The following NCOA3 variants were observed in gnomAD, a reference collection of about 807,000 sequenced individuals.
NCOA3 encodes nuclear receptor coactivator 3, also known as CBP-interacting protein.
A neutral mutation model predicts 158.8 loss-of-function variants in NCOA3; 51 were observed. That is an observed-to-expected ratio of 0.32 (90% CI 0.26 to 0.41). NCOA3 has a LOEUF of 0.41. Ranked by LOEUF, NCOA3 falls within the 10% of genes least tolerant of loss-of-function variation. NCOA3 has a pLI of 1.00. For synonymous variants in NCOA3, 537 were observed against 592.4 expected (o/e 0.91, Z 1.36); for missense variants, 1,510 against 1,746.6 (o/e 0.86, Z 2.41).
At position 47,522,145 on chromosome 20, in the gene NCOA3, T is replaced by C. The variant is rs543350371; in HGVS notation, c.-99+20126T>C. On this transcript the variant is annotated intron_variant, in intron 1 of 22. Coordinates refer to ENST00000371998, the MANE Select transcript of NCOA3 (RefSeq NM_181659.3). ...TTTGAGACGGAGTCTTGCTGTCTCCTAGGCTGGAGTGCAGTGGAGCGATCT... is the reference window on the plus strand; with the variant it reads ...TTTGAGACGGAGTCTTGCTGTCTCCCAGGCTGGAGTGCAGTGGAGCGATCT... Among the ~76,000 whole-genome samples the C allele has an allele frequency of 3.3e-4, 42 of 128,546 alleles. 1 individual carries two copies. The East Asian group carries it at 8.8e-3, about 27-fold the overall frequency. 84.3% of individuals were successfully genotyped at this position (128,546 alleles called of 152,430 possible). A position where few individuals can be genotyped will look rare whatever the true frequency, so the allele number is the denominator to read the frequency against.
At position 47,622,293 on chromosome 20, in the gene NCOA3, C is replaced by T. The variant is rs762111371; in HGVS notation, c.46C>T (p.Arg16Ter). ...CTTGGATCCACTGGCCAGTGATTCA[C>T]GAAAACGCAAATTGCCATGTGATAC... ...ENLDPLASDS[R>*]KRKLPCDTPG... The change falls in exon 3 of 23, where the codon CGA becomes TGA. Residue 16 changes from arginine to a stop codon, truncating the protein, a stop_gained. Transcript: ENST00000371998. LOFTEE classifies it high-confidence loss of function. 5.0e-6 allele frequency: 8 copies of T among 1,606,552 alleles called. No homozygotes were observed. The highest frequency in any genetic ancestry group is 3.4e-5 in the Admixed American group (2 of 58,598).
chr20:47,560,307 C>G (rs1432745857), intron 1 of NCOA3, among the ~76,000 whole-genome samples: 2 of 152,138 alleles, frequency 1.3e-5, no homozygotes, highest in Non-Finnish European at 2.9e-5. Flanking sequence ...AAACTCCTGA[C>G]CTGAAGTGAT....
At chr20:47,527,025 TAC>T (rs1191036908) in intron 1 of NCOA3, among the ~76,000 whole-genome samples, 1 of 152,222 alleles carries the variant, frequency 6.6e-6, no homozygotes, top group African/African-American at 2.4e-5. Flanking sequence ...TATATAGCAA[TAC>T]AGTTGATTTT....
chr20:47,634,223 T>C (rs367895006), intron 10 of NCOA3, 28 bp downstream of exon 10: 17 of 1,589,776 alleles, frequency 1.1e-5, no homozygotes, highest in Non-Finnish European at 1.4e-5. Flanking sequence ...TGTATTCTAA[T>C]ACAAAATGCA....
intron 2 of NCOA3, among the ~76,000 whole-genome samples, chr20:47,600,671 C>G (rs568122429): frequency 3.3e-5 from 5 of 151,686 alleles, no homozygotes; most frequent in Non-Finnish European, 7.4e-5. Context: ...TACACTAGCA[C>G]ACCCAGCTAA....
rs989525593 is a variant in NCOA3 at position 47,653,689 on chromosome 20, C to G, written c.*272C>G. ...CATTCCACCTCCTAGGGATATAATT[C>G]TGGAGACATGGAGTGTTACTGATCA... On this transcript the variant is annotated 3_prime_UTR_variant, in exon 23 of 23. Transcript: ENST00000371998. The G allele has an allele frequency of 2.1e-6, 1 of 469,426 alleles. No homozygotes were observed. The highest frequency in any genetic ancestry group is 2.0e-5 in the African/African-American group (1 of 50,610). The allele number at this position is 469,426 out of a possible 1,614,324, so 29.1% of individuals were successfully genotyped here.
intron 5 of NCOA3, 101 bp from the exon 6 acceptor site, chr20:47,626,901 C>A: frequency 9.1e-7 from 1 of 1,097,022 alleles, no homozygotes; most frequent in Non-Finnish European, 1.3e-6. Context: ...GTCTTGTTTC[C>A]AAATACAGTT....
At chr20:47,602,072 T>C (rs1032878998) in intron 2 of NCOA3, among the ~76,000 whole-genome samples, 20 of 152,236 alleles carry the variant, frequency 1.3e-4, no homozygotes, top group African/African-American at 4.6e-4. Context: ...ATTAAACTTA[T>C]ATGAGTACAC....
chr20:47,503,270 AAAT>A (rs1231179006), intron 1 of NCOA3, among the ~76,000 whole-genome samples: 3 of 152,214 alleles, frequency 2.0e-5, no homozygotes, highest in African/African-American at 7.2e-5. Flanking sequence ...GGAGGAATAA[AAAT>A]CTTAGGTCTT....
At chr20:47,592,917 G>T (rs565412215) in intron 2 of NCOA3, among the ~76,000 whole-genome samples, 2 of 152,294 alleles carry the variant, frequency 1.3e-5, no homozygotes, top group Non-Finnish European at 2.9e-5. Flanking sequence ...TTACTCAACA[G>T]AAAAATTTAA....
At chr20:47,568,475 G>A (rs1169150288) in intron 1 of NCOA3, among the ~76,000 whole-genome samples, 1 of 152,186 alleles carries the variant, frequency 6.6e-6, no homozygotes, top group African/African-American at 2.4e-5. Flanking sequence ...GTAGCATTAT[G>A]TCTAAAGAAA....
intron 17 of NCOA3, among the ~76,000 whole-genome samples, chr20:47,644,750 T>TGCAG (rs1472924744): frequency 6.6e-6 from 1 of 151,908 alleles, no homozygotes; most frequent in Non-Finnish European, 1.5e-5. Flanking sequence ...CAGGCTGGAG[T>TGCAG]GCAGAAGCGT....
chr20:47,529,128 A>AT (rs1276220271), intron 1 of NCOA3, among the ~76,000 whole-genome samples: 1 of 147,432 alleles, frequency 6.8e-6, no homozygotes, highest in African/African-American at 2.5e-5. Flanking sequence ...ATTTAAAAAA[A>AT]TTTTTTTTCT....
chr20:47,508,927 G>T (rs2084070478), intron 1 of NCOA3, among the ~76,000 whole-genome samples: 2 of 152,134 alleles, frequency 1.3e-5, no homozygotes, highest in South Asian at 2.1e-4. Context: ...TTAAAACAAA[G>T]GGTGCTCTGT....
chr20:47,580,230 G>A (rs2085429726), intron 1 of NCOA3, among the ~76,000 whole-genome samples: 1 of 152,036 alleles, frequency 6.6e-6, no homozygotes, highest in African/African-American at 2.4e-5. Context: ...AGCAGTAATT[G>A]TTTCCTAGGT....
chr20:47,641,906 C>T (rs1363097759), intron 16 of NCOA3, among the ~76,000 whole-genome samples: 1 of 152,136 alleles, frequency 6.6e-6, no homozygotes, highest in Non-Finnish European at 1.5e-5. Flanking sequence ...TCCCATCCTT[C>T]CCTACCCTCC....
At chr20:47,505,512 T>C (rs886411914) in intron 1 of NCOA3, among the ~76,000 whole-genome samples, 1 of 152,140 alleles carries the variant, frequency 6.6e-6, no homozygotes, top group Non-Finnish European at 1.5e-5. Context: ...ATACAGTTGT[T>C]ACCCTGTAAA....
intron 2 of NCOA3, among the ~76,000 whole-genome samples, chr20:47,584,269 T>C (rs2085499158): frequency 6.6e-6 from 1 of 152,128 alleles, no homozygotes; most frequent in African/African-American, 2.4e-5. Context: ...CACTTCAGCA[T>C]GGGCAACAGT....
chr20:47,632,738 G>A (rs1337432581), intron 8 of NCOA3, among the ~76,000 whole-genome samples: 1 of 149,176 alleles, frequency 6.7e-6, no homozygotes, highest in African/African-American at 2.5e-5. Context: ...GCCGGAGTGC[G>A]GTGGCATGAT....
Sources: gnomAD v4.1 joint callset for allele counts (sites outside exome capture counted in the v4.1 genomes callset) on GRCh38, gnomAD v4.1.1 for gene constraint, MANE v1.5 for transcripts, NCBI Gene and HGNC (gene_info 2026-07-23, HGNC 2026-07-21) for gene names.